Variants in PIGR observed in about 807,000 individuals in gnomAD.
The protein encoded by PIGR is polymeric immunoglobulin receptor.
PIGR carries 22 observed loss-of-function variants against 69.5 expected under a neutral mutation model. The ratio of observed to expected loss-of-function variants is 0.32; its 90% CI spans 0.23 to 0.45. PIGR has a LOEUF of 0.45. PIGR is among the 20% of genes least tolerant of loss of function. PIGR has a pLI of 1.00. For missense variants in PIGR, 885 were observed against 974.0 expected (o/e 0.91, Z 1.22); for synonymous variants, 413 against 407.6 (o/e 1.01, Z -0.16).
In PIGR at chr1:206,932,525, G is replaced by A. The variant is rs1679776406; in HGVS notation, c.1939C>T (p.Leu647=). The change falls in exon 8 of 11, where the codon CTG becomes TTG. Residue 647 remains leucine (L), a synonymous_variant. Transcript: ENST00000356495. ...SRALVSTLVP[L]GLVLAVGAVA... ...GCTCCCACTGCCAGCACCAGGCCCA[G>A]GGGCACCAGGGTGGAGACCAGCGCT... The A allele has an allele frequency of 6.2e-7, 1 of 1,613,862 alleles. No individual in the cohort carries two copies. Among genetic ancestry groups the A allele is most frequent in the African/African-American group, 1.3e-5 (1 of 75,032 alleles).
At position 206,935,872 on chromosome 1, in the gene PIGR, G is replaced by T; in HGVS notation, c.1046-54C>A. The T allele has an allele frequency of 1.4e-6, 2 of 1,397,778 alleles. No homozygotes were observed. Among genetic ancestry groups the T allele is most frequent in the Non-Finnish European group, 9.8e-7 (1 of 1,022,952 alleles). The allele number at this position is 1,397,778 out of a possible 1,614,324, so 86.6% of individuals were successfully genotyped here. A position where few individuals can be genotyped will look rare whatever the true frequency, so the allele number is the denominator to read the frequency against. ...AGGATGGCCACGCAGGAAGAGCCTT[G>T]CGTGGCCTGAGAAGCCTTCTTCCCG... is the stretch of plus-strand genomic sequence containing the variant. On this transcript the variant is annotated intron_variant, in intron 4 of 10. Coordinates refer to ENST00000356495, the MANE Select transcript of PIGR (RefSeq NM_002644.4). The surrounding 1 kb of genome is among the most constrained non-coding windows in gnomAD (Gnocchi z 4.4).
In PIGR at chr1:206,933,109, T is replaced by C; in HGVS notation, c.1763A>G (p.Asp588Gly). 2.5e-6 allele frequency: 4 copies of C among 1,614,092 alleles called. No homozygotes were observed. Among genetic ancestry groups the C allele is most frequent in the South Asian group, 1.1e-5 (1 of 91,076 alleles). Residue 588 changes from aspartate to glycine, a missense_variant, in exon 7 of 11, where the codon GAC (aspartate) becomes GGC (glycine). Transcript: ENST00000356495. ...GTTCTCAATCTCCCGAAAACCAGAG[T>C]CTAGCACCTTCTCATCAGGAGCAGC... is the stretch of plus-strand genomic sequence containing the variant. The part of the protein sequence containing the change: ...ADAAPDEKVL[D>G]SGFREIENKA...
Position 206,937,408 on chromosome 1 carries a change from C to G in PIGR, c.732G>C (p.Leu244=). The change falls in exon 4 of 11, where the codon CTG becomes CTC. Residue 244 remains leucine (L), a synonymous_variant. Transcript: ENST00000356495. ...CTGAGCCCCTCAGGTCTTCATAAAC[C>G]AGCTCGGGCTCGGGCTTTAGCACTT... is the stretch of plus-strand genomic sequence containing the variant. The part of the protein sequence containing the change: ...DLQVLKPEPE[L]VYEDLRGSVT... The G allele has an allele frequency of 1.2e-6, 2 of 1,614,086 alleles. No individual in the cohort carries two copies. Among genetic ancestry groups the G allele is most frequent in the Non-Finnish European group, 1.7e-6 (2 of 1,179,982 alleles).
chr1:206,946,267 C>T (rs984267610), intron 1 of PIGR, 69 bp downstream of exon 1: 1 of 152,468 alleles, frequency 6.6e-6, no homozygotes, highest in Non-Finnish European at 1.5e-5. Context: ...GAGGGGGTTA[C>T]CTGAGCCATC....
chr1:206,932,494 G>A lies in PIGR; in HGVS notation c.1970C>T (p.Ala657Val). The A allele has an allele frequency of 1.2e-6, 2 of 1,613,214 alleles. No homozygotes were observed. Among genetic ancestry groups the A allele is most frequent in the African/African-American group, 2.7e-5 (2 of 75,006 alleles). The change falls in exon 8 of 11, where the codon GCT (alanine) becomes GTT (valine). Residue 657 changes from alanine to valine, a missense_variant. Coordinates refer to ENST00000356495, the MANE Select transcript of PIGR (RefSeq NM_002644.4). The stretch of plus-strand genomic sequence containing the variant: ...GTGCCGGGCTCTGGCCACCCCCACA[G>A]CCACGGCTCCCACTGCCAGCACCAG... ...LGLVLAVGAV[A>V]VGVARARHRK...
In PIGR at chr1:206,935,803, C is replaced by A. The variant is rs753532772; in HGVS notation, c.1061G>T (p.Arg354Leu). ...LFVNEESTIP[R>L]SPTVVKGVAG... Reference sequence around the variant, plus strand: ...CACCCCCTTCACCACAGTGGGGCTGCGGGGAATCGTGGACTCTGGAAGCAC... The same window carrying A: ...CACCCCCTTCACCACAGTGGGGCTGAGGGGAATCGTGGACTCTGGAAGCAC... The change falls in exon 5 of 11, where the codon CGC becomes CTC. Residue 354 changes from arginine to leucine, a missense_variant. Transcript: ENST00000356495. The surrounding 1 kb of genome is among the most constrained non-coding windows in gnomAD (Gnocchi z 4.4). 3.1e-6 allele frequency: 5 copies of A among 1,601,886 alleles called. No individual in the cohort carries two copies. Among genetic ancestry groups the A allele is most frequent in the Non-Finnish European group, 4.3e-6 (5 of 1,170,942 alleles).
In PIGR at chr1:206,930,979, G is replaced by A; in HGVS notation, c.2199+518C>T. On this transcript the variant is annotated intron_variant, in intron 10 of 10. Transcript: ENST00000356495. The surrounding 1 kb of genome is among the most constrained non-coding windows in gnomAD (Gnocchi z 4.3). ...CCTGAGTCCTAGGGCAGATTGAGGGGATGGTATATGGCACCCAAGGCAGGA... is the reference window on the plus strand; with the variant it reads ...CCTGAGTCCTAGGGCAGATTGAGGGAATGGTATATGGCACCCAAGGCAGGA... The A allele has an allele frequency of 6.1e-6, 6 of 985,420 alleles. No homozygotes were observed. The highest frequency in any genetic ancestry group is 1.7e-5 in the African/African-American group (1 of 57,362). The allele number at this position is 985,420 out of a possible 1,614,324, so 61.0% of individuals were successfully genotyped here.
At position 206,932,507 on chromosome 1, in the gene PIGR, C is replaced by A. The variant is rs144340394; in HGVS notation, c.1957G>T (p.Val653Leu). 6 of 1,613,460 alleles carry A rather than the reference C, an allele frequency of 3.7e-6. No homozygotes were observed. Among genetic ancestry groups the A allele is most frequent in the African/African-American group, 1.3e-5 (1 of 74,922 alleles). The change falls in exon 8 of 11, where the codon GTG (valine) becomes TTG (leucine). Residue 653 changes from valine to leucine, a missense_variant. Coordinates refer to ENST00000356495, the MANE Select transcript of PIGR (RefSeq NM_002644.4). Reference sequence around the variant, plus strand: ...GCCACCCCCACAGCCACGGCTCCCACTGCCAGCACCAGGCCCAGGGGCACC... The same window carrying A: ...GCCACCCCCACAGCCACGGCTCCCAATGCCAGCACCAGGCCCAGGGGCACC... The part of the protein sequence containing the change: ...TLVPLGLVLA[V>L]GAVAVGVARA...
intron 4 of PIGR, among the ~76,000 whole-genome samples, chr1:206,936,211 G>A (rs900108266): frequency 1.3e-5 from 2 of 152,284 alleles, no homozygotes; most frequent in Admixed American, 1.3e-4. Context: ...AATGGATTAT[G>A]CCCAAATCAA....
intron 3 of PIGR, among the ~76,000 whole-genome samples, 190 bp downstream of exon 3, chr1:206,938,929 C>T (rs2102601770): frequency 6.6e-6 from 1 of 152,296 alleles, no homozygotes; most frequent in East Asian, 1.9e-4. Flanking sequence ...AGGGTTCACT[C>T]ATCACCCCCA....
intron 6 of PIGR, 73 bp downstream of exon 6, chr1:206,934,347 C>T (rs1231969472): frequency 7.5e-7 from 1 of 1,325,036 alleles, no homozygotes; most frequent in Non-Finnish European, 1.0e-6. Context: ...GATTGAGAAG[C>T]TCTCAGGCAG....
chr1:206,936,838 C>T (rs1359497114), intron 4 of PIGR, among the ~76,000 whole-genome samples: 8 of 152,186 alleles, frequency 5.3e-5, no homozygotes, highest in Admixed American at 4.6e-4. Flanking sequence ...CTTTACTCAC[C>T]TCTTGCTTGT....
chr1:206,942,489 G>A (rs1680006636), intron 1 of PIGR, among the ~76,000 whole-genome samples: 1 of 152,222 alleles, frequency 6.6e-6, no homozygotes, highest in South Asian at 2.1e-4. Context: ...ACAGGTGGGA[G>A]GACAAAATGC....
Position 206,930,179 on chromosome 1 carries a change from AGCAC to A in PIGR, c.*135_*138del. The stretch of plus-strand genomic sequence containing the variant: ...CTTTGATGTCACTGAGGAGGGGACC[AGCAC>A]GCCTCTGAGGACAGTAGGAAAAACC... On this transcript the variant is annotated 3_prime_UTR_variant, in exon 11 of 11. Transcript: ENST00000356495. This position sits in a 1 kb window ranked among gnomAD's most constrained non-coding sequence, Gnocchi z 4.3. 1 of 601,992 alleles carries A rather than the reference AGCAC, an allele frequency of 1.7e-6. No homozygotes were observed. Among genetic ancestry groups the A allele is most frequent in the South Asian group, 2.6e-5 (1 of 38,642 alleles). 37.3% of individuals were successfully genotyped at this position (601,992 alleles called of 1,614,324 possible).
Position 206,940,569 on chromosome 1 carries a change from C to A in PIGR, c.-38G>T, listed in dbSNP as rs1158026169. 5.2e-6 allele frequency: 8 copies of A among 1,543,154 alleles called. No individual in the cohort carries two copies. The highest frequency in any genetic ancestry group is 7.0e-6 in the Non-Finnish European group (8 of 1,142,608). On this transcript the variant is annotated 5_prime_UTR_variant, in exon 2 of 11. Transcript: ENST00000356495. ...CCGAGCGCCGCACCACTCAGGCCGACTTCTCCTGTGCAATGCTGAAAAACA... is the reference window on the plus strand; with the variant it reads ...CCGAGCGCCGCACCACTCAGGCCGAATTCTCCTGTGCAATGCTGAAAAACA...
intron 1 of PIGR, among the ~76,000 whole-genome samples, chr1:206,944,592 A>G (rs1680065116): frequency 6.6e-6 from 1 of 152,216 alleles, no homozygotes; most frequent in Admixed American, 6.5e-5. Context: ...TGTGTAGGAT[A>G]TGTTACATAA....
At position 206,934,510 on chromosome 1, in the gene PIGR, C is replaced by T; in HGVS notation, c.1615G>A (p.Glu539Lys). The change falls in exon 6 of 11, where the codon GAG becomes AAG. Residue 539 changes from glutamate to lysine, a missense_variant. Transcript: ENST00000356495. ...TTCACTCCACACCAGTACCAGCCCT[C>T]ATCAGCCCTGGTCACCAGGTTCAGG... ...LTLNLVTRAD[E>K]GWYWCGVKQG... is the part of the protein sequence containing the mutation. 6.2e-7 allele frequency: 1 copy of T among 1,614,240 alleles called. No individual in the cohort carries two copies. The highest frequency in any genetic ancestry group is 8.5e-7 in the Non-Finnish European group (1 of 1,180,024).
intron 6 of PIGR, among the ~76,000 whole-genome samples, chr1:206,934,078 T>C (rs1285412539): frequency 6.6e-6 from 1 of 152,130 alleles, no homozygotes; most frequent in Non-Finnish European, 1.5e-5. Flanking sequence ...GCCAGGCTGG[T>C]GTTGAACTCC....
Position 206,935,793 on chromosome 1 carries a change from A to C in PIGR, c.1071T>G (p.Thr357=). ...NEESTIPRSP[T]VVKGVAGGSV... ...AGCCTCCTGCCACCCCCTTCACCAC[A>C]GTGGGGCTGCGGGGAATCGTGGACT... The change falls in exon 5 of 11, where the codon ACT becomes ACG. Residue 357 remains threonine, a synonymous_variant. Coordinates refer to ENST00000356495, the MANE Select transcript of PIGR (RefSeq NM_002644.4). The surrounding 1 kb of genome is among the most constrained non-coding windows in gnomAD (Gnocchi z 4.4). 1.2e-6 allele frequency: 2 copies of C among 1,606,346 alleles called. No individual in the cohort carries two copies. The highest frequency in any genetic ancestry group is 1.7e-6 in the Non-Finnish European group (2 of 1,174,000).
Sources: gnomAD v4.1 joint callset for allele counts (sites outside exome capture counted in the v4.1 genomes callset) on GRCh38, gnomAD v4.1.1 for gene constraint, Gnocchi (gnomAD v3.1) non-coding constraint, MANE v1.5 for transcripts, NCBI Gene and HGNC (gene_info 2026-07-23, HGNC 2026-07-21) for gene names.